ADGRB2: variants seen among roughly 807,000 people sequenced by gnomAD.
ADGRB2 encodes the protein brain-specific angiogenesis inhibitor 2.
In ADGRB2, 47 loss-of-function variants were observed where a neutral mutation model predicts 178.7. That is an observed-to-expected ratio of 0.26 (90% CI 0.21 to 0.34). The LOEUF is 0.34. Ranked by LOEUF, ADGRB2 falls within the 10% of genes least tolerant of loss-of-function variation. ADGRB2 has a pLI of 1.00. For missense variants in ADGRB2, 1,584 were observed against 2,180.8 expected (o/e 0.73, Z 5.45); for synonymous variants, 870 against 912.4 (o/e 0.95, Z 0.84).
Position 31,735,191 on chromosome 1 carries a change from C to G in ADGRB2, c.3444G>C (p.Arg1148Ser). Reference protein sequence around the residue: ...PSPLLSSASARNAMASLWSSC... With the variant: ...PSPLLSSASASNAMASLWSSC... ...CAGGGGGCACGACTAACATGGCGTT[C>G]CTGGCCGAGGCTGAGCTGAGCAGGG... The change falls in exon 25 of 33, where the codon AGG (arginine) becomes AGC (serine). Residue 1148 changes from arginine to serine, a missense_variant. Physicochemically the swap from Arg to Ser is moderately radical, Grantham distance 110. Around this residue, in one of 3 missense-constraint regions of ADGRB2, gnomAD observed 865 missense variants for 1,192.8 expected, o/e 0.73. Coordinates refer to ENST00000373658, the MANE Select transcript of ADGRB2 (RefSeq NM_001364857.2). This position sits in a 1 kb window ranked among gnomAD's most constrained non-coding sequence, Gnocchi z 6.0. 1 of 1,345,258 alleles carries G rather than the reference C, an allele frequency of 7.4e-7. No individual in the cohort carries two copies. Among genetic ancestry groups the G allele is most frequent in the Non-Finnish European group, 9.7e-7 (1 of 1,036,246 alleles). 83.3% of individuals were successfully genotyped at this position (1,345,258 alleles called of 1,614,324 possible). A position where few individuals can be genotyped will look rare whatever the true frequency, so the allele number is the denominator to read the frequency against.
chr1:31,730,792 C>A lies in ADGRB2; in HGVS notation c.4380+8G>T, dbSNP rs375701954. The A allele has an allele frequency of 6.7e-7, 1 of 1,496,116 alleles. No homozygotes were observed. The highest frequency in any genetic ancestry group is 2.4e-5 in the Admixed American group (1 of 42,208). The allele number at this position is 1,496,116 out of a possible 1,614,324, so 92.7% of individuals were successfully genotyped here. On this transcript the variant is annotated splice_region_variant and intron_variant, in intron 29 of 32. Coordinates refer to ENST00000373658, the MANE Select transcript of ADGRB2 (RefSeq NM_001364857.2). ...CAGACACACACCCCATTCCCTACAG[C>A]CCCTCACCTCCAGGGAGCCCATCTT... is the stretch of plus-strand genomic sequence containing the variant.
rs554807920 is a variant in ADGRB2 at position 31,733,958 on chromosome 1, C to T, written c.3453-815G>A. ...GTGCCACACTCAGCCCACTCTCCTT[C>T]GCAAACACCCCCAGTGGGAGAGTCA... On this transcript the variant is annotated intron_variant, in intron 25 of 32. Coordinates refer to ENST00000373658, the MANE Select transcript of ADGRB2 (RefSeq NM_001364857.2). The surrounding 1 kb of genome is among the most constrained non-coding windows in gnomAD (Gnocchi z 4.3). Among the ~76,000 whole-genome samples, 3 of 152,248 alleles carry T rather than the reference C, an allele frequency of 2.0e-5. No homozygotes were observed. Among genetic ancestry groups the T allele is most frequent in the Admixed American group, 6.5e-5 (1 of 15,286 alleles).
intron 4 of ADGRB2, among the ~76,000 whole-genome samples, chr1:31,750,547 G>A (rs961643843): frequency 6.6e-6 from 1 of 152,134 alleles, no homozygotes; most frequent in African/African-American, 2.4e-5. Flanking sequence ...TGGTATGAAT[G>A]TGTTAAAAAT....
intron 3 of ADGRB2, 69 bp downstream of exon 3, chr1:31,757,132 G>GA: frequency 6.2e-7 from 1 of 1,612,444 alleles, no homozygotes; most frequent in Non-Finnish European, 8.5e-7. Flanking sequence ...CCATCGTTCT[G>GA]TTTCCTCAGA....
chr1:31,764,016 C>A lies in ADGRB2; in HGVS notation c.-323G>T, dbSNP rs1159823976. 2.0e-6 allele frequency: 2 copies of A among 980,950 alleles called. No homozygotes were observed. The highest frequency in any genetic ancestry group is 6.3e-5 in the Admixed American group (1 of 15,980). 60.8% of individuals were successfully genotyped at this position (980,950 alleles called of 1,614,324 possible). On this transcript the variant is annotated 5_prime_UTR_variant, in exon 1 of 33. Coordinates refer to ENST00000373658, the MANE Select transcript of ADGRB2 (RefSeq NM_001364857.2). The surrounding 1 kb of genome is among the most constrained non-coding windows in gnomAD (Gnocchi z 7.3). ...GCTGCAGCCGCGCGGAGGGCCGAGG[C>A]TCCCGCTCTCCCGGGCGGCGGGTGC...
At chr1:31,743,313 A>G in intron 6 of ADGRB2, 1 of 298,090 alleles carries the variant, frequency 3.4e-6, no homozygotes, top group Non-Finnish European at 6.2e-6. Context: ...AGGAAAATTC[A>G]GGAAAGGACC....
rs1366213740 is a variant in ADGRB2, at chr1:31,728,661, G to C, written c.4381-28C>G. On this transcript the variant is annotated intron_variant, in intron 29 of 32. Transcript: ENST00000373658. The surrounding 1 kb of genome is among the most constrained non-coding windows in gnomAD (Gnocchi z 6.7). The stretch of plus-strand genomic sequence containing the variant: ...GGGAAGGAGCAACAAGGAGGCAATG[G>C]AGGAGAAGAAAGCTTTTTACCACCG... 1 of 1,613,750 alleles carries C rather than the reference G, an allele frequency of 6.2e-7. No individual in the cohort carries two copies. The highest frequency in any genetic ancestry group is 8.5e-7 in the Non-Finnish European group (1 of 1,179,772).
chr1:31,752,401 G>A (rs973653979), intron 4 of ADGRB2, among the ~76,000 whole-genome samples: 4 of 152,082 alleles, frequency 2.6e-5, no homozygotes, highest in Non-Finnish European at 5.9e-5. Flanking sequence ...GGGTCTCCCC[G>A]CCCCCACCCT....
chr1:31,750,419 G>A lies in ADGRB2; in HGVS notation c.838+5580C>T, dbSNP rs1313433289. Among the ~76,000 whole-genome samples, 5 of 152,160 alleles carry A rather than the reference G, an allele frequency of 3.3e-5. No homozygotes were observed. In the South Asian group the frequency reaches 1.0e-3, roughly 32 times the overall value. Reference sequence around the variant, plus strand: ...CCCTCTTGCTTCACCCCTGGTGCCAGCAGGCGGGGTGAGCACAGGCTCTTT... The same window carrying A: ...CCCTCTTGCTTCACCCCTGGTGCCAACAGGCGGGGTGAGCACAGGCTCTTT... On this transcript the variant is annotated intron_variant, in intron 4 of 32. Coordinates refer to ENST00000373658, the MANE Select transcript of ADGRB2 (RefSeq NM_001364857.2).
intron 18 of ADGRB2, 121 bp downstream of exon 18, chr1:31,738,079 C>T: frequency 7.1e-7 from 1 of 1,415,338 alleles, no homozygotes; most frequent in South Asian, 1.4e-5. Context: ...TACAATCCCA[C>T]AAGCGCACCT....
At chr1:31,734,597 C>T (rs1645469975) in intron 25 of ADGRB2, among the ~76,000 whole-genome samples, 1 of 152,166 alleles carries the variant, frequency 6.6e-6, no homozygotes, top group South Asian at 2.1e-4. Context: ...AGCCTAAGGT[C>T]TTTGTGGATT....
rs112521624 is a variant in ADGRB2, at chr1:31,736,807, C to T, written c.2980-84G>A. On this transcript the variant is annotated intron_variant, in intron 20 of 32. Transcript: ENST00000373658. ...CGGGCTTCCCACGCCCGCTGCTGGGCGCTGCCACAGCCGCCCACCTGAGCC... is the reference window on the plus strand; with the variant it reads ...CGGGCTTCCCACGCCCGCTGCTGGGTGCTGCCACAGCCGCCCACCTGAGCC... 0.012 allele frequency: 18,556 copies of T among 1,510,482 alleles called. 1,371 individuals carry two copies. The African/African-American group carries it at 0.19, about 15-fold the overall frequency. 93.6% of individuals were successfully genotyped at this position (1,510,482 alleles called of 1,614,324 possible). A position where few individuals can be genotyped will look rare whatever the true frequency, so the allele number is the denominator to read the frequency against.
Position 31,735,989 on chromosome 1 carries a change from A to T in ADGRB2, c.3201-96T>A, listed in dbSNP as rs1399934777. The T allele has an allele frequency of 1.6e-6, 2 of 1,289,400 alleles. No individual in the cohort carries two copies. The highest frequency in any genetic ancestry group is 2.1e-6 in the Non-Finnish European group (2 of 935,618). The allele number at this position is 1,289,400 out of a possible 1,614,324, so 79.9% of individuals were successfully genotyped here. On this transcript the variant is annotated intron_variant, in intron 22 of 32. Transcript: ENST00000373658. This position sits in a 1 kb window ranked among gnomAD's most constrained non-coding sequence, Gnocchi z 6.0. Reference sequence around the variant, plus strand: ...AGTCCTCCCAGGCTGCCATGCCCGCATCACCAGTGCAGTCTGAGCCCCAGA... The same window carrying T: ...AGTCCTCCCAGGCTGCCATGCCCGCTTCACCAGTGCAGTCTGAGCCCCAGA...
At position 31,729,486 on chromosome 1, in the gene ADGRB2, G is replaced by A. The variant is rs577658191; in HGVS notation, c.4381-853C>T. Among the ~76,000 whole-genome samples the A allele has an allele frequency of 4.6e-5, 7 of 152,176 alleles. No individual in the cohort carries two copies. In the East Asian group the frequency reaches 9.7e-4, roughly 21 times the overall value. On this transcript the variant is annotated intron_variant, in intron 29 of 32. Transcript: ENST00000373658. ...ATACTAGGCACTCACACTCTGCCCC[G>A]GCACCTTCTCCTGCCTTTACCACAC...
chr1:31,763,860 C>G, intron 1 of ADGRB2, 24 bp downstream of exon 1: 1 of 984,980 alleles, frequency 1.0e-6, no homozygotes, highest in Non-Finnish European at 1.2e-6. Context: ...GAGGCCAGGT[C>G]GGGGTCTGGG....
Position 31,727,940 on chromosome 1 carries a change from T to C in ADGRB2, c.4572+85A>G. On this transcript the variant is annotated intron_variant, in intron 32 of 32. Transcript: ENST00000373658. This position sits in a 1 kb window ranked among gnomAD's most constrained non-coding sequence, Gnocchi z 4.4. ...GGGGGAGGCCCTTGGTGAGACAGGC[T>C]GGGGTTGCCTGGGAGGGGCAGGAGG... 1.4e-6 allele frequency: 2 copies of C among 1,466,108 alleles called. No homozygotes were observed. Among genetic ancestry groups the C allele is most frequent in the Non-Finnish European group, 9.1e-7 (1 of 1,099,114 alleles). The allele number at this position is 1,466,108 out of a possible 1,614,324, so 90.8% of individuals were successfully genotyped here.
chr1:31,750,106 T>C (rs1646488587), intron 4 of ADGRB2, among the ~76,000 whole-genome samples: 1 of 152,182 alleles, frequency 6.6e-6, no homozygotes, highest in African/African-American at 2.4e-5. Flanking sequence ...TCTATTGCAA[T>C]CTGCCAAAAT....
Position 31,737,732 on chromosome 1 carries a change from G to C in ADGRB2, c.2796C>G (p.Pro932=), listed in dbSNP as rs758541583. The C allele has an allele frequency of 6.2e-7, 1 of 1,613,600 alleles. No homozygotes were observed. Among genetic ancestry groups the C allele is most frequent in the South Asian group, 1.1e-5 (1 of 91,084 alleles). ...KDLTLELAGS[P]SVPLVIGCAV... is the part of the protein sequence containing the mutation. Reference sequence around the variant, plus strand: ...CACAGCCGATCACCAGGGGGACCGAGGGGGAGCCCGCCAGCTCCAGGGTCT... The same window carrying C: ...CACAGCCGATCACCAGGGGGACCGACGGGGAGCCCGCCAGCTCCAGGGTCT... Residue 932 remains proline (P), a synonymous_variant, in exon 19 of 33, where the codon CCC becomes CCG. Transcript: ENST00000373658.
intron 29 of ADGRB2, among the ~76,000 whole-genome samples, chr1:31,729,977 G>A (rs776777270): frequency 2.6e-5 from 4 of 152,214 alleles, no homozygotes; most frequent in African/African-American, 4.8e-5. Context: ...GTCTTGTGGC[G>A]GATGGGGAGT....
Sources: allele counts gnomAD v4.1 joint callset (sites outside exome capture counted in the v4.1 genomes callset), GRCh38; gene constraint gnomAD v4.1.1; regional missense constraint gnomAD v4.1.1; non-coding constraint Gnocchi (gnomAD v3.1); transcripts MANE v1.5; gene names NCBI Gene and HGNC (gene_info 2026-07-23, HGNC 2026-07-21).